The following SLC25A12 variants were observed in gnomAD, a reference collection of about 807,000 sequenced individuals.
SLC25A12 encodes the protein electrogenic aspartate/glutamate antiporter SLC25A12, mitochondrial.
SLC25A12 carries 32 observed loss-of-function variants against 83.3 expected under a neutral mutation model. The observed-to-expected ratio is 0.38, with a 90% CI of 0.29 to 0.52. The LOEUF (loss-of-function observed/expected upper bound fraction) is 0.52, where lower values mean the gene tolerates loss of function less well. SLC25A12 is among the 20% of genes least tolerant of loss of function. The pLI is 0.84. For missense variants in SLC25A12, 611 were observed against 835.6 expected, an observed-to-expected ratio of 0.73 and a Z score of 3.31; for synonymous variants, 267 against 291.1, an observed-to-expected ratio of 0.92 and a Z score of 0.84.
chr2:171,830,223 A>C (rs1684401480), intron 8 of SLC25A12, among the ~76,000 whole-genome samples: 1 of 152,202 alleles, frequency 6.6e-6, no homozygotes, highest in South Asian at 2.1e-4. Flanking sequence ...AGAAACAAAT[A>C]ATCTATATTG....
At position 171,813,350 on chromosome 2, in the gene SLC25A12, C is replaced by G; in HGVS notation, c.1160G>C (p.Gly387Ala). The G allele has an allele frequency of 6.2e-7, 1 of 1,614,014 alleles. No homozygotes were observed. Among genetic ancestry groups the G allele is most frequent in the Non-Finnish European group, 8.5e-7 (1 of 1,179,936 alleles). ...KKVLRYEGFFGLYRGLIPQLI... is the reference protein window; with the variant it reads ...KKVLRYEGFFALYRGLIPQLI... ...ATTTGCTTACTCACCCCTGTAGAGT[C>G]CAAAGAAGCCCTCATAACGCAAGAC... Residue 387 changes from glycine to alanine, a missense_variant, in exon 11 of 18, where the codon GGA (glycine) becomes GCA (alanine). Gly to Ala is a moderately conservative substitution (Grantham distance 60, BLOSUM62 0). Transcript: ENST00000422440.
intron 5 of SLC25A12, among the ~76,000 whole-genome samples, chr2:171,838,046 T>C (rs1684594089): frequency 2.0e-5 from 3 of 152,184 alleles, no homozygotes; most frequent in African/African-American, 4.8e-5. Context: ...AGCATTTCTG[T>C]TGTGGGGATC....
chr2:171,791,094 C>T (rs1051045488), intron 15 of SLC25A12, among the ~76,000 whole-genome samples: 3 of 152,008 alleles, frequency 2.0e-5, no homozygotes, highest in African/African-American at 7.2e-5. Context: ...TGAGATACAG[C>T]TAAGCAACTG....
At chr2:171,873,468 G>A (rs899766567) in intron 2 of SLC25A12, among the ~76,000 whole-genome samples, 3 of 152,044 alleles carry the variant, frequency 2.0e-5, no homozygotes, top group African/African-American at 7.2e-5. Flanking sequence ...ATAAATAAAA[G>A]ATACAGGTGA....
intron 2 of SLC25A12, among the ~76,000 whole-genome samples, chr2:171,882,616 C>T (rs1025755452): frequency 6.6e-6 from 1 of 152,194 alleles, no homozygotes; most frequent in African/African-American, 2.4e-5. Context: ...TCTAAGCCTA[C>T]GCATGTTTAA....
chr2:171,891,006 T>C (rs1263233238), intron 2 of SLC25A12, among the ~76,000 whole-genome samples: 2 of 152,168 alleles, frequency 1.3e-5, no homozygotes, highest in Admixed American at 6.5e-5. Flanking sequence ...AGCTAAGATT[T>C]AAAAGTTGTC....
intron 2 of SLC25A12, among the ~76,000 whole-genome samples, chr2:171,885,324 T>C (rs377161873): frequency 2.2e-4 from 34 of 151,772 alleles, no homozygotes; most frequent in Admixed American, 1.3e-3. Flanking sequence ...CTTTAATGCC[T>C]AATACTGTTC....
In SLC25A12 at chr2:171,793,635, G is replaced by C. The variant is rs1281943314; in HGVS notation, c.1438C>G (p.Leu480Val). 3 of 1,614,056 alleles carry C rather than the reference G, an allele frequency of 1.9e-6. No homozygotes were observed. The highest frequency in any genetic ancestry group is 1.1e-5 in the South Asian group (1 of 91,074). Residue 480 changes from leucine (L) to valine (V), a missense_variant, in exon 14 of 18, where the codon CTG (leucine) becomes GTG (valine). Physicochemically the swap from Leu to Val is conservative, Grantham distance 32 (BLOSUM62 1). Coordinates refer to ENST00000422440, the MANE Select transcript of SLC25A12 (RefSeq NM_003705.5). ...AACCTAAACCTACCCACCTTATACA[G>C]ACCAAAAATTCCCAAGTCCCGGAGC... ...NVLRDLGIFG[L>V]YKGAKACFLR...
At chr2:171,882,128 C>T (rs905806988) in intron 2 of SLC25A12, among the ~76,000 whole-genome samples, 7 of 152,088 alleles carry the variant, frequency 4.6e-5, no homozygotes, top group African/African-American at 1.2e-4. Context: ...CTGAGTCACC[C>T]CTAGGCTTCC....
intron 2 of SLC25A12, among the ~76,000 whole-genome samples, chr2:171,873,775 T>G (rs1213528338): frequency 6.6e-6 from 1 of 152,118 alleles, no homozygotes; most frequent in African/African-American, 2.4e-5. Context: ...TATGTGTGTA[T>G]ATATGAAATT....
intron 4 of SLC25A12, 82 bp from the exon 5 acceptor site, chr2:171,844,590 TAA>T (rs1573977221): frequency 1.6e-5 from 16 of 1,011,602 alleles, no homozygotes; most frequent in East Asian, 1.5e-4. Context: ...AGAAAAAAAT[TAA>T]GAGAAGTTTT....
chr2:171,877,051 T>G (rs1343134706), intron 2 of SLC25A12, among the ~76,000 whole-genome samples: 1 of 152,206 alleles, frequency 6.6e-6, no homozygotes, highest in Non-Finnish European at 1.5e-5. Flanking sequence ...ATATTTAAAT[T>G]TACATTGAGT....
At chr2:171,838,551 T>A (rs1247998733) in intron 5 of SLC25A12, among the ~76,000 whole-genome samples, 1 of 152,204 alleles carries the variant, frequency 6.6e-6, no homozygotes, top group Non-Finnish European at 1.5e-5. Context: ...TATGTCTTAA[T>A]CACCCAGAAA....
chr2:171,817,353 G>T (rs1670159632), intron 9 of SLC25A12, among the ~76,000 whole-genome samples: 1 of 152,010 alleles, frequency 6.6e-6, no homozygotes. Flanking sequence ...TGTAATCTGA[G>T]CATTTTGGGA....
At chr2:171,822,476 T>C (rs775422317) in intron 9 of SLC25A12, among the ~76,000 whole-genome samples, 7 of 152,182 alleles carry the variant, frequency 4.6e-5, no homozygotes, top group Non-Finnish European at 1.0e-4. Flanking sequence ...CTCAAATTCC[T>C]GGGCTCAAGC....
chr2:171,821,089 G>T (rs927431034), intron 9 of SLC25A12, among the ~76,000 whole-genome samples: 1 of 140,208 alleles, frequency 7.1e-6, no homozygotes, highest in African/African-American at 2.7e-5. Flanking sequence ...AAGTGCAGTG[G>T]CGCATTCCTG....
At position 171,844,497 on chromosome 2, in the gene SLC25A12, C is replaced by G; in HGVS notation, c.337G>C (p.Glu113Gln). Reference sequence around the variant, plus strand: ...TGAATAATAGTCTGTCCAAAAATTTCTTTGACATTTTCTTAAAAGGGAAAA... The same window carrying G: ...TGAATAATAGTCTGTCCAAAAATTTGTTTGACATTTTCTTAAAAGGGAAAA... ...NGEVTFENVKEIFGQTIIHHH... is the reference protein window; with the variant it reads ...NGEVTFENVKQIFGQTIIHHH... The change falls in exon 5 of 18, where the codon GAA becomes CAA. Residue 113 changes from glutamate to glutamine, a missense_variant. Glu to Gln is a conservative substitution (Grantham distance 29). Transcript: ENST00000422440. 3.1e-6 allele frequency: 5 copies of G among 1,593,104 alleles called. No homozygotes were observed. The highest frequency in any genetic ancestry group is 4.3e-6 in the Non-Finnish European group (5 of 1,161,224).
chr2:171,792,180 A>G (rs942289949), intron 14 of SLC25A12, among the ~76,000 whole-genome samples: 1 of 152,126 alleles, frequency 6.6e-6, no homozygotes, highest in Non-Finnish European at 1.5e-5. Context: ...TGAGGTCTCA[A>G]AGAACACCTC....
chr2:171,864,985 T>G (rs933427130), intron 3 of SLC25A12, among the ~76,000 whole-genome samples: 2 of 152,226 alleles, frequency 1.3e-5, no homozygotes, highest in Non-Finnish European at 2.9e-5. Flanking sequence ...GCCAAATAAA[T>G]AGAGAAATAA....
Sources: allele counts gnomAD v4.1 joint callset (sites outside exome capture counted in the v4.1 genomes callset), GRCh38; gene constraint gnomAD v4.1.1; transcripts MANE v1.5; gene names NCBI Gene and HGNC (gene_info 2026-07-23, HGNC 2026-07-21).